Variants in GABRG3 observed in about 807,000 individuals in gnomAD.
GABRG3 encodes gamma-aminobutyric acid type A receptor subunit gamma3, also known as gamma-aminobutyric acid receptor subunit gamma-3.
In GABRG3, 25 loss-of-function variants were observed where a neutral mutation model predicts 48.8. The observed-to-expected ratio is 0.51, with a 90% confidence interval of 0.37 to 0.72. The LOEUF is 0.72. Among genes scored for constraint, GABRG3 ranks in the 30% least tolerant of loss-of-function variants. GABRG3 has a pLI of 0.00. For synonymous variants in GABRG3, 227 were observed against 217.6 expected (o/e 1.04, Z -0.38); for missense variants, 394 against 577.9 (o/e 0.68, Z 3.26).
At chr15:27,406,848 G>A (rs773183088) in intron 5 of GABRG3, among the ~76,000 whole-genome samples, 4 of 152,172 alleles carry the variant, frequency 2.6e-5, no homozygotes, top group Admixed American at 6.5e-5. Flanking sequence ...AGGGTCAAAC[G>A]TAGATGGGAA....
chr15:27,133,898 A>G (rs1183157315), intron 3 of GABRG3, among the ~76,000 whole-genome samples: 2 of 152,236 alleles, frequency 1.3e-5, no homozygotes, highest in East Asian at 1.9e-4. Context: ...TTAGTGGGTA[A>G]AACAGTTCTC....
intron 5 of GABRG3, among the ~76,000 whole-genome samples, chr15:27,448,445 G>A (rs908118599): frequency 2.0e-5 from 3 of 152,194 alleles, no homozygotes; most frequent in East Asian, 1.9e-4. Context: ...CACTCATGAC[G>A]TAATTATTCA....
chr15:27,487,368 T>G (rs535841981), intron 6 of GABRG3, among the ~76,000 whole-genome samples: 1 of 152,370 alleles, frequency 6.6e-6, no homozygotes, highest in South Asian at 2.1e-4. Flanking sequence ...TTTATGGTTT[T>G]TATTTGGCTC....
intron 5 of GABRG3, among the ~76,000 whole-genome samples, chr15:27,459,338 C>G (rs1156806922): frequency 6.6e-6 from 1 of 152,140 alleles, no homozygotes; most frequent in African/African-American, 2.4e-5. Flanking sequence ...GCACAGGTGA[C>G]AATTCAGGAG....
At chr15:27,392,574 G>A (rs1463495440) in intron 5 of GABRG3, among the ~76,000 whole-genome samples, 2 of 152,140 alleles carry the variant, frequency 1.3e-5, no homozygotes, top group East Asian at 3.9e-4. Flanking sequence ...TTGCTTCCCT[G>A]TAAAGTTATT....
intron 5 of GABRG3, among the ~76,000 whole-genome samples, chr15:27,458,285 T>C (rs889566323): frequency 2.0e-5 from 3 of 152,230 alleles, no homozygotes; most frequent in African/African-American, 7.2e-5. Context: ...TCCATCCTCA[T>C]AAATTGTATT....
At chr15:27,478,000 G>A (rs982389292) in intron 5 of GABRG3, among the ~76,000 whole-genome samples, 2 of 150,256 alleles carry the variant, frequency 1.3e-5, no homozygotes, top group South Asian at 2.1e-4. Context: ...AGCTGAGATC[G>A]CACCACTGCA....
At position 27,534,264 on chromosome 15, in the gene GABRG3, A is replaced by G. The variant is rs1322210876; in HGVS notation, c.*1383A>G. The G allele has an allele frequency of 1.3e-5, 2 of 152,222 alleles. No individual in the cohort carries two copies. The highest frequency in any genetic ancestry group is 4.8e-5 in the African/African-American group (2 of 41,456). 9.4% of individuals were successfully genotyped at this position (152,222 alleles called of 1,614,324 possible). A position where few individuals can be genotyped will look rare whatever the true frequency, so the allele number is the denominator to read the frequency against. On this transcript the variant is annotated 3_prime_UTR_variant, in exon 10 of 10. Transcript: ENST00000615808. Reference sequence around the variant, plus strand: ...GATCATCAAGTACATATTTTGATGAACAAGATTATTTTATACTTTGAAATA... The same window carrying G: ...GATCATCAAGTACATATTTTGATGAGCAAGATTATTTTATACTTTGAAATA...
At chr15:27,296,897 G>C (rs1468784278) in intron 3 of GABRG3, among the ~76,000 whole-genome samples, 1 of 149,528 alleles carries the variant, frequency 6.7e-6, no homozygotes, top group Non-Finnish European at 1.5e-5. Context: ...GCAGGTCCAG[G>C]TATCCAGAAG....
intron 3 of GABRG3, among the ~76,000 whole-genome samples, chr15:27,318,493 G>C (rs62001310): frequency 0.5 from 75,238 of 151,884 alleles, 19,296 homozygotes; most frequent in Non-Finnish European, 0.55. Flanking sequence ...CTCTGAATCA[G>C]TAAGGGGAGG....
chr15:27,190,936 G>A lies in GABRG3; in HGVS notation c.271-135873G>A, dbSNP rs139914655. Among the ~76,000 whole-genome samples, 383 of 152,126 alleles carry A rather than the reference G, an allele frequency of 2.5e-3. 3 individuals carry two copies. Among genetic ancestry groups the A allele is most frequent in the Non-Finnish European group, 4.3e-3 (289 of 67,962 alleles). ...ATTCTGATATGTCGTGCTTGTTCTC[G>A]TTGGTTTCAAAGAACATCTTTATTT... On this transcript the variant is annotated intron_variant, in intron 3 of 9. Coordinates refer to ENST00000615808, the MANE Select transcript of GABRG3 (RefSeq NM_033223.5).
At chr15:27,240,833 T>C (rs1890109353) in intron 3 of GABRG3, among the ~76,000 whole-genome samples, 1 of 152,252 alleles carries the variant, frequency 6.6e-6, no homozygotes, top group Admixed American at 6.5e-5. Flanking sequence ...TAACTGAACG[T>C]GATCAGTTGA....
At chr15:27,116,321 T>G (rs1897640373) in intron 3 of GABRG3, among the ~76,000 whole-genome samples, 1 of 152,212 alleles carries the variant, frequency 6.6e-6, no homozygotes, top group African/African-American at 2.4e-5. Context: ...CCTTCTTCAT[T>G]TTTTCCGTAA....
At chr15:27,034,370 T>A (rs991018736) in intron 3 of GABRG3, among the ~76,000 whole-genome samples, 2 of 152,202 alleles carry the variant, frequency 1.3e-5, no homozygotes, top group Non-Finnish European at 2.9e-5. Context: ...GGTCAGTGTG[T>A]TATTTATTTG....
At chr15:27,415,460 T>A (rs1212153651) in intron 5 of GABRG3, among the ~76,000 whole-genome samples, 1 of 152,100 alleles carries the variant, frequency 6.6e-6, no homozygotes, top group East Asian at 1.9e-4. Flanking sequence ...ATCCATTAGA[T>A]CTCTTAGCAT....
intron 3 of GABRG3, among the ~76,000 whole-genome samples, chr15:27,143,810 T>G (rs578093896): frequency 6.6e-6 from 1 of 152,320 alleles, no homozygotes; most frequent in African/African-American, 2.4e-5. Flanking sequence ...TTTAAAAAAC[T>G]GATTTGGATG....
chr15:27,105,762 A>G (rs550320503), intron 3 of GABRG3, among the ~76,000 whole-genome samples: 2 of 152,234 alleles, frequency 1.3e-5, no homozygotes, highest in South Asian at 2.1e-4. Context: ...TAAAAATAGA[A>G]CTACTATATG....
At chr15:27,441,085 T>C (rs577089728) in intron 5 of GABRG3, among the ~76,000 whole-genome samples, 1 of 152,316 alleles carries the variant, frequency 6.6e-6, no homozygotes, top group East Asian at 1.9e-4. Flanking sequence ...CAAGGGGTTG[T>C]TGTTTGTTTT....
intron 6 of GABRG3, among the ~76,000 whole-genome samples, chr15:27,513,859 T>A (rs553799801): frequency 1.3e-5 from 2 of 152,258 alleles, no homozygotes; most frequent in South Asian, 4.1e-4. Flanking sequence ...AAATACATCA[T>A]CCATAGCAAC....
Sources: allele counts gnomAD v4.1 joint callset (sites outside exome capture counted in the v4.1 genomes callset), GRCh38; gene constraint gnomAD v4.1.1; transcripts MANE v1.5; gene names NCBI Gene and HGNC (gene_info 2026-07-23, HGNC 2026-07-21).